SLC24A2: variants seen among roughly 807,000 people sequenced by gnomAD.
The protein encoded by SLC24A2 is sodium/potassium/calcium exchanger 2.
In SLC24A2, 36 loss-of-function variants were observed where a neutral mutation model predicts 62.0. The ratio of observed to expected loss-of-function variants is 0.58; its 90% CI spans 0.44 to 0.77. SLC24A2 has a LOEUF of 0.77. Ranked by LOEUF, SLC24A2 falls within the 30% of genes least tolerant of loss-of-function variation. The pLI is 0.00. For synonymous variants in SLC24A2, 358 were observed against 294.0 expected, an observed-to-expected ratio of 1.22 and a Z score of -2.23; for missense variants, 846 against 817.9, an observed-to-expected ratio of 1.03 and a Z score of -0.42.
intron 2 of SLC24A2, among the ~76,000 whole-genome samples, chr9:19,738,855 A>C (rs1300870766): frequency 1.3e-5 from 2 of 152,204 alleles, no homozygotes. Flanking sequence ...GTGGTGGCTC[A>C]TGCCTGTGAT....
chr9:19,573,362 C>A lies in SLC24A2; in HGVS notation c.1336G>T (p.Ala446Ser), dbSNP rs761868205. Residue 446 changes from alanine (A) to serine (S), a missense_variant, in exon 7 of 11, where the codon GCA (alanine) becomes TCA (serine). Transcript: ENST00000341998. ...NGNLSHNIEG[A>S]EAQTADEEED... Reference sequence around the variant, plus strand: ...GAGAAAAGCCATACCTGGGCTTCTGCACCTTCAATGTTGTGGGAGAGATTT... The same window carrying A: ...GAGAAAAGCCATACCTGGGCTTCTGAACCTTCAATGTTGTGGGAGAGATTT... 9 of 1,609,280 alleles carry A rather than the reference C, an allele frequency of 5.6e-6. No homozygotes were observed. The highest frequency in any genetic ancestry group is 7.7e-6 in the Non-Finnish European group (9 of 1,175,758).
chr9:19,524,093 T>C (rs958046343), intron 9 of SLC24A2, among the ~76,000 whole-genome samples: 41 of 93,408 alleles, frequency 4.4e-4, no homozygotes, highest in African/African-American at 1.7e-3. Context: ...GAGCTTTTAA[T>C]AGAAAGAACA....
At chr9:19,518,743 T>C (rs958579228) in intron 10 of SLC24A2, among the ~76,000 whole-genome samples, 3 of 152,166 alleles carry the variant, frequency 2.0e-5, no homozygotes, top group Non-Finnish European at 4.4e-5. Context: ...TTTCTAAATC[T>C]GTGAGTATAT....
the SLC24A2 span, among the ~76,000 whole-genome samples, chr9:19,851,015 A>ACG: frequency 3.9e-5 from 2 of 51,586 alleles, no homozygotes; most frequent in African/African-American, 1.4e-4. Flanking sequence ...ATACATATAT[A>ACG]TATATATACA....
At chr9:19,561,430 A>T (rs1027015138) in intron 7 of SLC24A2, among the ~76,000 whole-genome samples, 2 of 129,284 alleles carry the variant, frequency 1.5e-5, no homozygotes, top group Non-Finnish European at 3.2e-5. Context: ...TTAAGTGGAA[A>T]ACAGACTTTT....
chr9:20,233,132 T>A, the SLC24A2 span, among the ~76,000 whole-genome samples: 4 of 152,100 alleles, frequency 2.6e-5, no homozygotes, highest in South Asian at 2.1e-4. Context: ...TGCTGAGGAG[T>A]GCTTTACTTC....
intron 9 of SLC24A2, among the ~76,000 whole-genome samples, chr9:19,526,718 G>A (rs774100318): frequency 3.9e-5 from 6 of 151,918 alleles, no homozygotes; most frequent in Non-Finnish European, 5.9e-5. Flanking sequence ...CTATTATGGA[G>A]CTTTAAGCTT....
At chr9:19,982,389 G>T in the SLC24A2 span, among the ~76,000 whole-genome samples, 1 of 152,128 alleles carries the variant, frequency 6.6e-6, no homozygotes, top group Non-Finnish European at 1.5e-5. Flanking sequence ...TTCACAAAAG[G>T]CCTTGAACCT....
chr9:20,278,857 C>G, the SLC24A2 span, among the ~76,000 whole-genome samples: 1 of 152,242 alleles, frequency 6.6e-6, no homozygotes, highest in African/African-American at 2.4e-5. Flanking sequence ...TTGTATTAGT[C>G]CATTCTCACA....
rs965262764 is a variant in SLC24A2 at position 19,599,445 on chromosome 9, A to T, written c.1079-2166T>A. Among the ~76,000 whole-genome samples, 1 of 152,220 alleles carries T rather than the reference A, an allele frequency of 6.6e-6. No homozygotes were observed. Among genetic ancestry groups the T allele is most frequent in the Non-Finnish European group, 1.5e-5 (1 of 68,044 alleles). Reference sequence around the variant, plus strand: ...CAGGTGTTGTGGCAACTCAAGGCGCACTGAGGAAGCAGTGGAAGGGAATGG... The same window carrying T: ...CAGGTGTTGTGGCAACTCAAGGCGCTCTGAGGAAGCAGTGGAAGGGAATGG... On this transcript the variant is annotated intron_variant, in intron 4 of 10. Coordinates refer to ENST00000341998, the MANE Select transcript of SLC24A2 (RefSeq NM_020344.4). The surrounding 1 kb of genome is among the most constrained non-coding windows in gnomAD (Gnocchi z 4.5).
At chr9:19,636,339 C>CT (rs1564009884) in intron 2 of SLC24A2, among the ~76,000 whole-genome samples, 11 of 31,366 alleles carry the variant, frequency 3.5e-4, no homozygotes, top group Admixed American at 1.0e-3. Context: ...TTCTTTCTTT[C>CT]TTTCTTTCTT....
In SLC24A2 at chr9:19,619,606, G is replaced by A. The variant is rs780548784; in HGVS notation, c.1056C>T (p.His352=). ...TACCTTCGGCGAGTGGGTCAAGGGT[G>A]TGTATCATGAGTTGGAAGATGCTAT... is the stretch of plus-strand genomic sequence containing the variant. ...MRNSIFQLMI[H]TLDPLAEELG... The change falls in exon 4 of 11, where the codon CAC becomes CAT. Residue 352 remains histidine (H), a synonymous_variant. Transcript: ENST00000341998. 6.2e-7 allele frequency: 1 copy of A among 1,613,780 alleles called. No homozygotes were observed. The highest frequency in any genetic ancestry group is 1.1e-5 in the South Asian group (1 of 91,082).
At chr9:19,655,021 C>A (rs879736088) in intron 2 of SLC24A2, among the ~76,000 whole-genome samples, 2 of 152,214 alleles carry the variant, frequency 1.3e-5, no homozygotes, top group Non-Finnish European at 2.9e-5. Context: ...TCACCTGTGA[C>A]TCATATTAGT....
the SLC24A2 span, among the ~76,000 whole-genome samples, chr9:20,247,854 G>A: frequency 2.6e-5 from 4 of 152,212 alleles, no homozygotes; most frequent in South Asian, 8.3e-4. Context: ...CTTAGGAAAG[G>A]ATTCTAACCT....
At chr9:19,738,086 G>T (rs1335984902) in intron 2 of SLC24A2, among the ~76,000 whole-genome samples, 1 of 152,132 alleles carries the variant, frequency 6.6e-6, no homozygotes, top group Non-Finnish European at 1.5e-5. Flanking sequence ...AGGAAAAAAA[G>T]CTCAGACCTA....
chr9:19,566,636 C>CA (rs1835662890), intron 7 of SLC24A2, among the ~76,000 whole-genome samples: 1 of 152,286 alleles, frequency 6.6e-6, no homozygotes, highest in Admixed American at 6.5e-5. Context: ...GATTATAAAT[C>CA]ATGCTGCTAT....
intron 5 of SLC24A2, among the ~76,000 whole-genome samples, chr9:19,592,608 C>G (rs1009675389): frequency 6.7e-6 from 1 of 149,642 alleles, no homozygotes; most frequent in African/African-American, 2.6e-5. Context: ...ATTACTAATT[C>G]TATATACTGC....
chr9:20,216,834 A>T, the SLC24A2 span, among the ~76,000 whole-genome samples: 1 of 152,330 alleles, frequency 6.6e-6, no homozygotes, highest in Non-Finnish European at 1.5e-5. Context: ...AGTTGAGATT[A>T]ATAGTTAATA....
At chr9:19,977,525 T>A in the SLC24A2 span, among the ~76,000 whole-genome samples, 1 of 152,034 alleles carries the variant, frequency 6.6e-6, no homozygotes, top group Non-Finnish European at 1.5e-5. Context: ...GATGAAGAGA[T>A]AGGTACAAGT....
Sources: allele counts gnomAD v4.1 joint callset (sites outside exome capture counted in the v4.1 genomes callset), GRCh38; gene constraint gnomAD v4.1.1; non-coding constraint Gnocchi (gnomAD v3.1); transcripts MANE v1.5; gene names NCBI Gene and HGNC (gene_info 2026-07-23, HGNC 2026-07-21).